FYB2: variants seen among roughly 807,000 people sequenced by gnomAD.
The protein encoded by FYB2 is FYN-binding protein 2.
In FYB2, 103 loss-of-function variants were observed where a neutral mutation model predicts 94.1. The ratio of observed to expected loss-of-function variants is 1.09; its 90% CI spans 0.93 to 1.29. The LOEUF is 1.29. Ranked by LOEUF, FYB2 falls within the 50% of genes most tolerant of loss-of-function variation. FYB2 has a pLI of 0.00. For synonymous variants in FYB2, 293 were observed against 287.9 expected, an observed-to-expected ratio of 1.02 and a Z score of -0.18; for missense variants, 896 against 841.5, an observed-to-expected ratio of 1.06 and a Z score of -0.80.
chr1:56,754,470 G>C (rs943671294), intron 7 of FYB2, among the ~76,000 whole-genome samples: 1 of 151,912 alleles, frequency 6.6e-6, no homozygotes, highest in Admixed American at 6.6e-5. Flanking sequence ...CTAACACTTT[G>C]TTCTTCCATA....
In FYB2 at chr1:56,754,040, A is replaced by G; in HGVS notation, c.1131-105T>C. 6 of 700,446 alleles carry G rather than the reference A, an allele frequency of 8.6e-6. No homozygotes were observed. The South Asian group carries it at 1.1e-4, about 12-fold the overall frequency. 43.4% of individuals were successfully genotyped at this position (700,446 alleles called of 1,614,324 possible). A position where few individuals can be genotyped will look rare whatever the true frequency, so the allele number is the denominator to read the frequency against. Reference sequence around the variant, plus strand: ...ATGAATGGGAAAAATAGATTTGAACAAATATGAATCATTTATCTTAGATGA... The same window carrying G: ...ATGAATGGGAAAAATAGATTTGAACGAATATGAATCATTTATCTTAGATGA... On this transcript the variant is annotated intron_variant, in intron 7 of 19. Coordinates refer to ENST00000343433, the MANE Select transcript of FYB2 (RefSeq NM_001004303.5).
At chr1:56,733,938 G>A (rs558617345) in intron 15 of FYB2, among the ~76,000 whole-genome samples, 32 of 152,212 alleles carry the variant, frequency 2.1e-4, no homozygotes, top group African/African-American at 7.2e-4. Flanking sequence ...TCCACTTGGT[G>A]CAGAGCTGAG....
At chr1:56,756,873 C>T (rs1403897801) in intron 6 of FYB2, among the ~76,000 whole-genome samples, 1 of 151,944 alleles carries the variant, frequency 6.6e-6, no homozygotes, top group East Asian at 1.9e-4. Flanking sequence ...ACACAAAGAT[C>T]GTGACAGTAG....
At chr1:56,742,351 C>T (rs1198535346) in intron 11 of FYB2, 130 bp from the exon 12 acceptor site, 5 of 591,060 alleles carry the variant, frequency 8.5e-6, no homozygotes, top group African/African-American at 2.0e-5. Context: ...ATAGTTTTTA[C>T]TGAAACTCAC....
intron 1 of FYB2, 98 bp downstream of exon 1, chr1:56,819,184 C>T (rs1646955953): frequency 2.6e-6 from 4 of 1,553,198 alleles, no homozygotes; most frequent in Admixed American, 3.4e-5. Context: ...GGAGGCAGCA[C>T]ACACAAGCAG....
intron 6 of FYB2, among the ~76,000 whole-genome samples, chr1:56,757,760 A>T (rs1182928345): frequency 0.011 from 409 of 36,484 alleles, no homozygotes; most frequent in East Asian, 0.012. Flanking sequence ...CTTTCTTTTC[A>T]TTCTTTCTTT....
intron 4 of FYB2, among the ~76,000 whole-genome samples, chr1:56,770,926 T>A (rs1014233273): frequency 6.6e-6 from 1 of 152,122 alleles, no homozygotes; most frequent in Non-Finnish European, 1.5e-5. Flanking sequence ...TAACGAAAAT[T>A]TAGTTCACAT....
At chr1:56,793,850 A>AT (rs1393785954) in intron 1 of FYB2, among the ~76,000 whole-genome samples, 1 of 151,870 alleles carries the variant, frequency 6.6e-6, no homozygotes, top group Non-Finnish European at 1.5e-5. Flanking sequence ...GTTGAACTTA[A>AT]TGCTATGGTA....
intron 9 of FYB2, among the ~76,000 whole-genome samples, chr1:56,749,675 G>A (rs541797332): frequency 1.3e-5 from 2 of 152,002 alleles, no homozygotes; most frequent in South Asian, 4.2e-4. Context: ...CTGTTCCACT[G>A]GTTTTCCCTC....
intron 1 of FYB2, among the ~76,000 whole-genome samples, chr1:56,816,302 T>G (rs1646880801): frequency 6.6e-6 from 1 of 152,164 alleles, no homozygotes; most frequent in Admixed American, 6.5e-5. Context: ...CTTGCAGGAA[T>G]GGCTAGAAGG....
At chr1:56,756,317 G>A (rs1296984975) in intron 6 of FYB2, among the ~76,000 whole-genome samples, 1 of 152,124 alleles carries the variant, frequency 6.6e-6, no homozygotes, top group African/African-American at 2.4e-5. Flanking sequence ...AGTAATGCTG[G>A]AATTTCTCCG....
intron 4 of FYB2, among the ~76,000 whole-genome samples, chr1:56,783,284 T>C (rs1646050361): frequency 6.6e-6 from 1 of 152,182 alleles, no homozygotes; most frequent in Admixed American, 6.6e-5. Flanking sequence ...TTAAATGGCT[T>C]GTCTAAGGTA....
At chr1:56,778,073 C>A (rs1305040772) in intron 4 of FYB2, among the ~76,000 whole-genome samples, 1 of 152,170 alleles carries the variant, frequency 6.6e-6, no homozygotes, top group Admixed American at 6.5e-5. Flanking sequence ...TCCAATCACA[C>A]TGGCCTCCTG....
intron 4 of FYB2, among the ~76,000 whole-genome samples, chr1:56,773,902 C>T (rs1388954456): frequency 6.6e-6 from 1 of 152,096 alleles, no homozygotes; most frequent in African/African-American, 2.4e-5. Flanking sequence ...CATCTGATTT[C>T]TCAATTGTCC....
intron 1 of FYB2, among the ~76,000 whole-genome samples, chr1:56,800,286 A>G (rs1646489974): frequency 6.6e-6 from 1 of 152,152 alleles, no homozygotes; most frequent in South Asian, 2.1e-4. Flanking sequence ...CTTCATGACT[A>G]AAAGGGCTTC....
At chr1:56,821,633 T>C (rs1646993018), upstream of FYB2, among the ~76,000 whole-genome samples, 1 of 152,212 alleles carries the variant, frequency 6.6e-6, no homozygotes, top group South Asian at 2.1e-4. Flanking sequence ...ACCAGTAATG[T>C]CAGTTCCTCT....
intron 6 of FYB2, among the ~76,000 whole-genome samples, chr1:56,757,850 A>G (rs1452386664): frequency 6.8e-6 from 1 of 147,692 alleles, no homozygotes; most frequent in African/African-American, 2.5e-5. Context: ...GCTCGCTGCA[A>G]CCTCCACCTC....
At chr1:56,739,946 G>T (rs763183043) in intron 13 of FYB2, among the ~76,000 whole-genome samples, 1 of 152,004 alleles carries the variant, frequency 6.6e-6, no homozygotes, top group African/African-American at 2.4e-5. Context: ...CATAAATTGA[G>T]GTGCACCTGA....
At chr1:56,740,654 A>G in intron 13 of FYB2, 43 bp downstream of exon 13, 1 of 1,165,784 alleles carries the variant, frequency 8.6e-7, no homozygotes, top group Non-Finnish European at 1.2e-6. Flanking sequence ...TGTATCTACC[A>G]GGTTAATCCC....
Sources: gnomAD v4.1 joint callset for allele counts (sites outside exome capture counted in the v4.1 genomes callset) on GRCh38, gnomAD v4.1.1 for gene constraint, MANE v1.5 for transcripts, NCBI Gene and HGNC (gene_info 2026-07-23, HGNC 2026-07-21) for gene names.